PITPNM3: variants seen among roughly 807,000 people sequenced by gnomAD.
PITPNM3 encodes the protein PITPNM family member 3, also known as membrane-associated phosphatidylinositol transfer protein 3.
PITPNM3 carries 26 observed loss-of-function variants against 102.0 expected under a neutral mutation model. That is an observed-to-expected ratio of 0.25 (90% CI 0.19 to 0.35). The LOEUF (loss-of-function observed/expected upper bound fraction) is 0.35. Among genes scored for constraint, PITPNM3 ranks in the 10% least tolerant of loss-of-function variants. The pLI, the probability that PITPNM3 is intolerant of heterozygous loss-of-function variation, is 1.00. For synonymous variants in PITPNM3, 578 were observed against 558.6 expected, an observed-to-expected ratio of 1.03 and a Z score of -0.49; for missense variants, 1,083 against 1,346.1, an observed-to-expected ratio of 0.80 and a Z score of 3.06.
At position 6,556,367 on chromosome 17, in the gene PITPNM3, C is replaced by T; in HGVS notation, c.22+18G>A. On this transcript the variant is annotated intron_variant, in intron 1 of 19. Transcript: ENST00000262483. This position sits in a 1 kb window ranked among gnomAD's most constrained non-coding sequence, Gnocchi z 5.2. ...CTCCCCCGGGCCCCGGCCCTGCCCTCCCCGCGCCCGCCCTCACCTGCACGG... is the reference window on the plus strand; with the variant it reads ...CTCCCCCGGGCCCCGGCCCTGCCCTTCCCGCGCCCGCCCTCACCTGCACGG... 1 of 1,397,982 alleles carries T rather than the reference C, an allele frequency of 7.2e-7. No individual in the cohort carries two copies. Among genetic ancestry groups the T allele is most frequent in the Non-Finnish European group, 9.3e-7 (1 of 1,073,146 alleles). 86.6% of individuals were successfully genotyped at this position (1,397,982 alleles called of 1,614,324 possible).
chr17:6,484,935 C>T (rs1905982527), intron 4 of PITPNM3, among the ~76,000 whole-genome samples: 1 of 152,144 alleles, frequency 6.6e-6, no homozygotes, highest in Non-Finnish European at 1.5e-5. Flanking sequence ...TCTCCTGCCT[C>T]ACACATCAGC....
intron 4 of PITPNM3, among the ~76,000 whole-genome samples, chr17:6,494,320 AG>A (rs1377467246): frequency 2.0e-5 from 3 of 152,164 alleles, no homozygotes; most frequent in African/African-American, 7.2e-5. Flanking sequence ...CTGCCTCCTC[AG>A]GGAGACTCTT....
chr17:6,464,530 T>C, intron 15 of PITPNM3, 125 bp downstream of exon 15: 1 of 1,139,502 alleles, frequency 8.8e-7, no homozygotes, highest in Non-Finnish European at 1.3e-6. Context: ...GGGTAGCTCC[T>C]GGCCCTGTGC....
chr17:6,524,024 G>C (rs1349373154), intron 3 of PITPNM3, among the ~76,000 whole-genome samples: 2 of 152,210 alleles, frequency 1.3e-5, no homozygotes, highest in East Asian at 3.9e-4. Flanking sequence ...CTGAGCCTGG[G>C]TTCTTTGTTG....
intron 8 of PITPNM3, 132 bp downstream of exon 8, chr17:6,477,843 G>A (rs1190335154): frequency 8.0e-6 from 12 of 1,504,196 alleles, no homozygotes; most frequent in Admixed American, 6.8e-5. Flanking sequence ...ACTGCGCCCA[G>A]CTGGATTATG....
At chr17:6,476,502 A>G (rs1279655883) in intron 9 of PITPNM3, among the ~76,000 whole-genome samples, 1 of 152,256 alleles carries the variant, frequency 6.6e-6, no homozygotes, top group Non-Finnish European at 1.5e-5. Context: ...TGCCTGGCCC[A>G]TAAACAAAAG....
chr17:6,478,703 G>A lies in PITPNM3; in HGVS notation c.621C>T (p.Leu207=), dbSNP rs1366217378. ...LNPYSHDEGC[L]SSSQDHVPLA... ...GAGGGACGTGGTCCTGGCTGCTGCT[G>A]AGGCAGCCCTCATCGTGGCTGTAGG... The change falls in exon 7 of 20, where the codon CTC becomes CTT. Residue 207 remains leucine (L), a synonymous_variant. Transcript: ENST00000262483. This position sits in a 1 kb window ranked among gnomAD's most constrained non-coding sequence, Gnocchi z 4.4. The A allele has an allele frequency of 1.3e-6, 2 of 1,599,716 alleles. No individual in the cohort carries two copies. The highest frequency in any genetic ancestry group is 1.7e-6 in the Non-Finnish European group (2 of 1,173,210).
intron 8 of PITPNM3, 54 bp from the exon 9 acceptor site, chr17:6,477,267 C>G: frequency 6.4e-7 from 1 of 1,571,312 alleles, no homozygotes; most frequent in Non-Finnish European, 8.7e-7. Flanking sequence ...ACGGGAGACT[C>G]TGGGGCCTTG....
chr17:6,552,496 T>A (rs79818999), intron 1 of PITPNM3, among the ~76,000 whole-genome samples: 4,299 of 152,234 alleles, frequency 0.028, 112 homozygotes, highest in East Asian at 0.17. Context: ...AGCCCTGGCG[T>A]CCCAGCCAGA....
intron 3 of PITPNM3, among the ~76,000 whole-genome samples, chr17:6,522,552 C>T (rs1374343128): frequency 6.6e-6 from 1 of 152,082 alleles, no homozygotes; most frequent in Non-Finnish European, 1.5e-5. Flanking sequence ...GAAGAAAGGT[C>T]CTGGCTGGAG....
chr17:6,525,526 A>T, intron 2 of PITPNM3, 63 bp from the exon 3 acceptor site: 1 of 1,226,292 alleles, frequency 8.2e-7, no homozygotes, highest in South Asian at 1.2e-5. Context: ...CCCTATCAGG[A>T]GCTTATGTCT....
intron 1 of PITPNM3, among the ~76,000 whole-genome samples, chr17:6,555,578 G>A (rs948889381): frequency 1.3e-5 from 2 of 152,232 alleles, no homozygotes; most frequent in African/African-American, 4.8e-5. Flanking sequence ...ATCGGGCCCA[G>A]AATGTGCCCG....
Position 6,470,521 on chromosome 17 carries a change from G to A in PITPNM3, c.1625-113C>T, listed in dbSNP as rs1905018867. On this transcript the variant is annotated intron_variant, in intron 12 of 19. Coordinates refer to ENST00000262483, the MANE Select transcript of PITPNM3 (RefSeq NM_031220.4). The surrounding 1 kb of genome is among the most constrained non-coding windows in gnomAD (Gnocchi z 4.8). ...GGTGGATGCCCCACGTGGGGCACGG[G>A]TTTGGGCGGGAGCACCCTGGCCTGG... is the stretch of plus-strand genomic sequence containing the variant. 1.4e-6 allele frequency: 2 copies of A among 1,428,038 alleles called. No individual in the cohort carries two copies. Among genetic ancestry groups the A allele is most frequent in the African/African-American group, 2.8e-5 (2 of 71,824 alleles). 88.5% of individuals were successfully genotyped at this position (1,428,038 alleles called of 1,614,324 possible).
rs138462846 is a variant in PITPNM3, at chr17:6,480,322, A to G, written c.588-1586T>C. On this transcript the variant is annotated intron_variant, in intron 6 of 19. Transcript: ENST00000262483. ...AATCAGAGTCTCTGACTTTCCCCCAATCTAGAGGGGGAAAAGGAAGGCCCA... is the reference window on the plus strand; with the variant it reads ...AATCAGAGTCTCTGACTTTCCCCCAGTCTAGAGGGGGAAAAGGAAGGCCCA... 5.2e-3 allele frequency: 792 copies of G among 152,196 alleles called. 7 individuals carry two copies. Among genetic ancestry groups the G allele is most frequent in the Non-Finnish European group, 5.8e-3 (393 of 68,008 alleles). The allele number at this position is 152,196 out of a possible 1,614,324, so 9.4% of individuals were successfully genotyped here.
At chr17:6,553,292 T>C (rs959289846) in intron 1 of PITPNM3, among the ~76,000 whole-genome samples, 1 of 152,170 alleles carries the variant, frequency 6.6e-6, no homozygotes, top group South Asian at 2.1e-4. Context: ...GATGCCTTTC[T>C]GTGTAACTGA....
At chr17:6,476,157 G>A in intron 9 of PITPNM3, among the ~76,000 whole-genome samples, 1 of 108,252 alleles carries the variant, frequency 9.2e-6, no homozygotes, top group East Asian at 2.1e-4. Flanking sequence ...ACAATATAAA[G>A]GGTTTTTTTA....
At chr17:6,499,463 T>C (rs1352639935) in intron 4 of PITPNM3, among the ~76,000 whole-genome samples, 1 of 152,190 alleles carries the variant, frequency 6.6e-6, no homozygotes, top group Non-Finnish European at 1.5e-5. Context: ...GAAACACTGC[T>C]GTGACAATGG....
intron 4 of PITPNM3, 85 bp downstream of exon 4, chr17:6,503,442 G>C: frequency 1.4e-6 from 2 of 1,447,390 alleles, no homozygotes; most frequent in South Asian, 1.2e-5. Flanking sequence ...TTCAGGCTCT[G>C]AGTGGATGAG....
chr17:6,456,571 T>C (rs910608333), intron 19 of PITPNM3, among the ~76,000 whole-genome samples: 5 of 152,122 alleles, frequency 3.3e-5, no homozygotes. Context: ...CCTAGGCCTA[T>C]GGAATCAGAA....
Sources: gnomAD v4.1 joint callset for allele counts (sites outside exome capture counted in the v4.1 genomes callset) on GRCh38, gnomAD v4.1.1 for gene constraint, Gnocchi (gnomAD v3.1) non-coding constraint, MANE v1.5 for transcripts, NCBI Gene and HGNC (gene_info 2026-07-23, HGNC 2026-07-21) for gene names.